Variants in RRM1 observed in about 807,000 individuals in gnomAD.
RRM1 encodes ribonucleotide reductase catalytic subunit M1, also known as ribonucleoside-diphosphate reductase large subunit.
Under a neutral mutation model 101.5 loss-of-function variants are expected in RRM1, and 19 were observed. The observed-to-expected ratio is 0.19, with a 90% CI of 0.13 to 0.27. The LOEUF is 0.27. Among genes scored for constraint, RRM1 ranks in the 10% least tolerant of loss-of-function variants. The pLI is 1.00. For missense variants in RRM1, 500 were observed against 962.9 expected (o/e 0.52, Z 6.36); for synonymous variants, 298 against 323.4 (o/e 0.92, Z 0.84).
Position 4,118,428 on chromosome 11 carries a change from T to C in RRM1, c.759T>C (p.Ser253=), listed in dbSNP as rs778489364. 1.9e-6 allele frequency: 3 copies of C among 1,614,050 alleles called. No homozygotes were observed. Among genetic ancestry groups the C allele is most frequent in the Non-Finnish European group, 2.5e-6 (3 of 1,179,988 alleles). Residue 253 remains serine (S), a synonymous_variant, in exon 8 of 19, where the codon AGT becomes AGC. Coordinates refer to ENST00000300738, the MANE Select transcript of RRM1 (RefSeq NM_001033.5). The stretch of plus-strand genomic sequence containing the variant: ...CTGGAGGAATTGGTGTTGCTGTGAG[T>C]TGTATTCGGGCTACTGGCAGCTACA... ...KSAGGIGVAV[S]CIRATGSYIA... is the part of the protein sequence containing the mutation.
rs910030512 is a variant in RRM1 at position 4,120,785 on chromosome 11, C to T, written c.877-819C>T. On this transcript the variant is annotated intron_variant, in intron 9 of 18. Coordinates refer to ENST00000300738, the MANE Select transcript of RRM1 (RefSeq NM_001033.5). ...CTTTGGGAGGCTGAGGTGGGCTGATCGTGTAAGCTCACAAGTTCAAGACCA... is the reference window on the plus strand; with the variant it reads ...CTTTGGGAGGCTGAGGTGGGCTGATTGTGTAAGCTCACAAGTTCAAGACCA... Among the ~76,000 whole-genome samples, 3 of 152,236 alleles carry T rather than the reference C, an allele frequency of 2.0e-5. No homozygotes were observed. In the South Asian group the frequency reaches 6.2e-4, roughly 32 times the overall value.
chr11:4,136,761 CTTTT>C lies in RRM1; in HGVS notation c.2191-1432_2191-1429del, dbSNP rs199604972. 4.4e-3 allele frequency among the ~76,000 whole-genome samples: 631 copies of C among 144,286 alleles called. 6 individuals carry two copies. The highest frequency in any genetic ancestry group is 0.017 in the African/African-American group (600 of 35,492). The allele number at this position is 144,286 out of a possible 152,430, so 94.7% of individuals were successfully genotyped here. On this transcript the variant is annotated intron_variant, in intron 18 of 18. Transcript: ENST00000300738. The stretch of plus-strand genomic sequence containing the variant: ...TTGTTTGTTTGTTTGTTTGTTTTTT[CTTTT>C]TATTTATTTATTTATTTATTTTTAT...
intron 1 of RRM1, among the ~76,000 whole-genome samples, chr11:4,095,645 G>A (rs1287382799): frequency 6.6e-6 from 1 of 152,178 alleles, no homozygotes; most frequent in Non-Finnish European, 1.5e-5. Context: ...TCCCTTCATG[G>A]GAAGAGATGC....
chr11:4,102,596 G>C (rs1419901779), intron 2 of RRM1, among the ~76,000 whole-genome samples: 1 of 150,824 alleles, frequency 6.6e-6, no homozygotes, highest in Admixed American at 6.6e-5. Context: ...AGGTTGCAGT[G>C]AGCCGAGATC....
intron 15 of RRM1, among the ~76,000 whole-genome samples, chr11:4,131,618 A>G (rs73419298): frequency 0.026 from 4,019 of 152,292 alleles, 146 homozygotes; most frequent in African/African-American, 0.088. Context: ...TAAAATTGCT[A>G]TCAATTAGGC....
intron 15 of RRM1, among the ~76,000 whole-genome samples, chr11:4,131,183 C>T (rs10742239): frequency 0.89 from 135,335 of 152,186 alleles, 60,427 homozygotes; most frequent in South Asian, 0.93. Flanking sequence ...TTTAATACGG[C>T]GGCAAGCAAA....
chr11:4,135,301 T>C (rs917094597), intron 18 of RRM1, 31 bp downstream of exon 18: 2 of 1,492,960 alleles, frequency 1.3e-6, no homozygotes, highest in African/African-American at 1.4e-5. Flanking sequence ...AGTACTTAAT[T>C]GCCAGCTTGA....
At chr11:4,104,732 G>A (rs537876728) in intron 2 of RRM1, among the ~76,000 whole-genome samples, 115 of 152,224 alleles carry the variant, frequency 7.6e-4, no homozygotes, top group African/African-American at 2.7e-3. Context: ...ATCAACTTTG[G>A]TTGAGAATCA....
chr11:4,123,317 A>G lies in RRM1; in HGVS notation c.1253A>G (p.Gln418Arg). 6.2e-7 allele frequency: 1 copy of G among 1,614,202 alleles called. No homozygotes were observed. Among genetic ancestry groups the G allele is most frequent in the South Asian group, 1.1e-5 (1 of 91,084 alleles). ...KDSCNRKSNQ[Q>R]NLGTIKCSNL... Reference sequence around the variant, plus strand: ...TCCTGTAATCGAAAGAGCAACCAGCAGAACCTGGGAACCATCAAATGCAGC... The same window carrying G: ...TCCTGTAATCGAAAGAGCAACCAGCGGAACCTGGGAACCATCAAATGCAGC... The change falls in exon 12 of 19, where the codon CAG becomes CGG. Residue 418 changes from glutamine to arginine, a missense_variant. This residue lies in a region of RRM1 where 80 missense variants were observed against 170.9 expected (regional missense o/e 0.47). Coordinates refer to ENST00000300738, the MANE Select transcript of RRM1 (RefSeq NM_001033.5).
chr11:4,117,470 T>C, intron 7 of RRM1, among the ~76,000 whole-genome samples: 1 of 152,230 alleles, frequency 6.6e-6, no homozygotes, highest in South Asian at 2.1e-4. Context: ...AAAATAAAGT[T>C]TGTTTACATA....
intron 7 of RRM1, among the ~76,000 whole-genome samples, chr11:4,114,612 A>T (rs1345216072): frequency 6.6e-6 from 1 of 152,208 alleles, no homozygotes; most frequent in Non-Finnish European, 1.5e-5. Context: ...AGACTGTACA[A>T]ACATTGTGCA....
At chr11:4,115,464 GC>G (rs1246316322) in intron 7 of RRM1, among the ~76,000 whole-genome samples, 1 of 148,968 alleles carries the variant, frequency 6.7e-6, no homozygotes. Flanking sequence ...GCTGGACAAA[GC>G]AAGGAACAGA....
chr11:4,094,759 G>A, upstream of RRM1: 1 of 576,720 alleles, frequency 1.7e-6, no homozygotes, highest in Non-Finnish European at 3.1e-6. Context: ...CCCGGGCGTG[G>A]GCCGCAGCGT....
chr11:4,115,908 A>C (rs1190734134), intron 7 of RRM1, among the ~76,000 whole-genome samples: 2 of 152,202 alleles, frequency 1.3e-5, no homozygotes, highest in Non-Finnish European at 2.9e-5. Context: ...CCTCAGAGCA[A>C]AACACCATAG....
intron 9 of RRM1, 120 bp downstream of exon 9, chr11:4,120,048 T>G (rs1169774213): frequency 1.6e-6 from 1 of 627,384 alleles, no homozygotes; most frequent in Non-Finnish European, 2.8e-6. Context: ...GTAAAATCAA[T>G]TTGAGGAGGT....
Position 4,095,036 on chromosome 11 carries a change from G to T in RRM1, c.19+5G>T. 1 of 1,568,436 alleles carries T rather than the reference G, an allele frequency of 6.4e-7. No individual in the cohort carries two copies. The highest frequency in any genetic ancestry group is 1.2e-5 in the South Asian group (1 of 85,128). On this transcript the variant is annotated splice_donor_5th_base_variant and intron_variant, in intron 1 of 18. Transcript: ENST00000300738. ...CGATGCATGTGATCAAGCGAGGTGA[G>T]GGGGGGACGAGGTGGGCGAGAAGGA...
intron 15 of RRM1, among the ~76,000 whole-genome samples, chr11:4,131,056 G>A (rs1837817409): frequency 6.6e-6 from 1 of 152,194 alleles, no homozygotes; most frequent in Admixed American, 6.5e-5. Flanking sequence ...ATAAAGAACT[G>A]CCTGAGACTG....
In RRM1 at chr11:4,118,306, T is replaced by A; in HGVS notation, c.651-14T>A. ...ATTTCCTTGCTCTAAGTTGAGACAT[T>A]TTTTCCCCCGTAGCTGTTTTCTTCT... On this transcript the variant is annotated splice_polypyrimidine_tract_variant and intron_variant, in intron 7 of 18. Coordinates refer to ENST00000300738, the MANE Select transcript of RRM1 (RefSeq NM_001033.5). 6 of 1,608,444 alleles carry A rather than the reference T, an allele frequency of 3.7e-6. No individual in the cohort carries two copies. The highest frequency in any genetic ancestry group is 3.4e-6 in the Non-Finnish European group (4 of 1,176,300).
At position 4,123,371 on chromosome 11, in the gene RRM1, C is replaced by A. The variant is rs1176876687; in HGVS notation, c.1307C>A (p.Thr436Asn). The A allele has an allele frequency of 6.2e-7, 1 of 1,613,766 alleles. No individual in the cohort carries two copies. Residue 436 changes from threonine (T) to asparagine (N), a missense_variant, in exon 12 of 19, where the codon ACC becomes AAC. Thr to Asn is a moderately conservative substitution (Grantham distance 65). Around this residue, in one of 9 missense-constraint regions of RRM1, gnomAD observed 80 missense variants for 170.9 expected, o/e 0.47. Coordinates refer to ENST00000300738, the MANE Select transcript of RRM1 (RefSeq NM_001033.5). Reference sequence around the variant, plus strand: ...CTGTGCACAGAAATAGTGGAGTACACCAGCAAAGATGAGGTAGGTAGAAAA... The same window carrying A: ...CTGTGCACAGAAATAGTGGAGTACAACAGCAAAGATGAGGTAGGTAGAAAA... ...SNLCTEIVEYTSKDEVAVCNL... is the reference protein window; with the variant it reads ...SNLCTEIVEYNSKDEVAVCNL...
Sources: allele counts gnomAD v4.1 joint callset (sites outside exome capture counted in the v4.1 genomes callset), GRCh38; gene constraint gnomAD v4.1.1; regional missense constraint gnomAD v4.1.1; transcripts MANE v1.5; gene names NCBI Gene and HGNC (gene_info 2026-07-23, HGNC 2026-07-21).